Variants in SAMD11 observed in about 807,000 individuals in gnomAD.
SAMD11 encodes sterile alpha motif domain containing 11.
A neutral mutation model predicts 64.4 loss-of-function variants in SAMD11; 77 were observed. The ratio of observed to expected loss-of-function variants is 1.20; its 90% CI spans 0.99 to 1.44. SAMD11 has a LOEUF of 1.44. Ranked by LOEUF, SAMD11 falls within the 40% of genes most tolerant of loss-of-function variation. The pLI is 0.00. For missense variants in SAMD11, 1,402 were observed against 943.3 expected, an observed-to-expected ratio of 1.49 and a Z score of -6.37; for synonymous variants, 658 against 421.9, an observed-to-expected ratio of 1.56 and a Z score of -6.86.
At chr1:926,228 C>T (rs997173463) in intron 2 of SAMD11, among the ~76,000 whole-genome samples, 1 of 152,240 alleles carries the variant, frequency 6.6e-6, no homozygotes, top group Non-Finnish European at 1.5e-5. Context: ...CGAGCGCCCT[C>T]CCCGGTGGAG....
At chr1:932,183 G>A (rs572028173) in intron 4 of SAMD11, among the ~76,000 whole-genome samples, 2 of 152,222 alleles carry the variant, frequency 1.3e-5, no homozygotes, top group Non-Finnish European at 2.9e-5. Context: ...GAACACTGAT[G>A]ACATTTTATG....
In SAMD11 at chr1:944,025, TC is replaced by T. The variant is rs1557612652; in HGVS notation, c.2412del (p.Thr805ArgfsTer80). On this transcript the variant is annotated frameshift_variant, in exon 14 of 14. Transcript: ENST00000616016. LOFTEE classifies it low-confidence loss of function (END_TRUNC). ...RELGTGEQPL[S>X]PTTATSPYGG... ...ACTCGGCACAGGAGAGCAGCCCTTG[TC>T]CCCCACGACGGCCACGTCCCCCTAT... is the stretch of plus-strand genomic sequence containing the variant. 2 of 1,612,768 alleles carry T rather than the reference TC, an allele frequency of 1.2e-6. No homozygotes were observed. Among genetic ancestry groups the T allele is most frequent in the Admixed American group, 1.7e-5 (1 of 60,022 alleles).
chr1:939,671 G>A (rs577063649), intron 7 of SAMD11, among the ~76,000 whole-genome samples: 1 of 152,294 alleles, frequency 6.6e-6, no homozygotes, highest in South Asian at 2.1e-4. Flanking sequence ...TATATAGAGA[G>A]AAATGGAGTC....
chr1:942,349 C>G, intron 9 of SAMD11, 61 bp from the exon 10 acceptor site: 1 of 1,187,848 alleles, frequency 8.4e-7, no homozygotes, highest in Non-Finnish European at 1.1e-6. Context: ...TAGGGGATTG[C>G]AAAGGGCCGG....
chr1:939,076 G>T lies in SAMD11; in HGVS notation c.1004G>T (p.Arg335Leu), dbSNP rs149677938. Residue 335 changes from arginine (R) to leucine (L), a missense_variant, in exon 6 of 14, where the codon CGT becomes CTT. Arg to Leu is a moderately radical substitution (Grantham distance 102, BLOSUM62 -2). Transcript: ENST00000616016. ...LLGKRLGRSP[R>L]ISSDCFSEKR... ...GGCAAGAGGCTGGGCCGCTCCCCCC[G>T]TATCAGCAGCGACTGCTTTTCAGAG... 15 of 1,605,944 alleles carry T rather than the reference G, an allele frequency of 9.3e-6. No homozygotes were observed. The highest frequency in any genetic ancestry group is 1.3e-5 in the Non-Finnish European group (15 of 1,176,692).
chr1:929,437 T>C (rs1569868201), intron 2 of SAMD11, among the ~76,000 whole-genome samples: 1 of 152,194 alleles, frequency 6.6e-6, no homozygotes, highest in African/African-American at 2.4e-5. Flanking sequence ...GCCTGCAGTC[T>C]GCGAGGGTTC....
intron 5 of SAMD11, among the ~76,000 whole-genome samples, chr1:938,656 C>T (rs1471865627): frequency 6.6e-6 from 1 of 152,182 alleles, no homozygotes; most frequent in African/African-American, 2.4e-5. Flanking sequence ...CACAGCCCGC[C>T]CTCACTCCTG....
rs765877680 is a variant in SAMD11 at position 942,213 on chromosome 1, C to A, written c.1436C>A (p.Pro479His). 1 of 1,361,890 alleles carries A rather than the reference C, an allele frequency of 7.3e-7. No individual in the cohort carries two copies. Among genetic ancestry groups the A allele is most frequent in the East Asian group, 2.8e-5 (1 of 35,426 alleles). The allele number at this position is 1,361,890 out of a possible 1,614,324, so 84.4% of individuals were successfully genotyped here. ...HVALGPHLRP[P>H]FLGVPSALCQ... The stretch of plus-strand genomic sequence containing the variant: ...GCCCTGGGCCCCCATCTCAGGCCCC[C>A]CTTCCTGGGGGTGCCCTCGGCTCTG... Residue 479 changes from proline to histidine, a missense_variant, in exon 9 of 14, where the codon CCC becomes CAC. By Grantham distance (77) the Pro-to-His change is moderately conservative. Transcript: ENST00000616016.
intron 4 of SAMD11, 42 bp downstream of exon 4, chr1:931,131 CCCCTCCCT>C: frequency 7.4e-7 from 1 of 1,358,074 alleles, no homozygotes; most frequent in Non-Finnish European, 1.0e-6. Context: ...GGCCGTGACT[CCCCTCCCT>C]CCCTCCCACC....
chr1:943,724 G>A lies in SAMD11; in HGVS notation c.2205G>A (p.Gly735=), dbSNP rs749587093. 7 of 1,598,416 alleles carry A rather than the reference G, an allele frequency of 4.4e-6. No homozygotes were observed. Among genetic ancestry groups the A allele is most frequent in the Non-Finnish European group, 4.3e-6 (5 of 1,171,040 alleles). ...TCTTCAGGGAGCAGGGGATCGACGGGGAGACCCTGCCACTGCTGACGGAGG... is the reference window on the plus strand; with the variant it reads ...TCTTCAGGGAGCAGGGGATCGACGGAGAGACCCTGCCACTGCTGACGGAGG... The part of the protein sequence containing the change: ...TRVFREQGID[G]ETLPLLTEEH... Residue 735 remains glycine, a synonymous_variant, in exon 13 of 14, where the codon GGG becomes GGA. Transcript: ENST00000616016.
rs552457744 is a variant in SAMD11 at position 942,870 on chromosome 1, A to G, written c.1865A>G (p.Asp622Gly). The G allele has an allele frequency of 6.6e-5, 102 of 1,553,920 alleles. No homozygotes were observed. In the Admixed American group the frequency reaches 2.0e-3, roughly 30 times the overall value. The part of the protein sequence containing the change: ...EMTGARLWAQ[D>G]GSEDEPPKDS... Reference sequence around the variant, plus strand: ...ACGGGGGCTAGGCTCTGGGCACAAGATGGCTCGGAAGACGAGCCCCCCAAA... The same window carrying G: ...ACGGGGGCTAGGCTCTGGGCACAAGGTGGCTCGGAAGACGAGCCCCCCAAA... The change falls in exon 11 of 14, where the codon GAT becomes GGT. Residue 622 changes from aspartate (D) to glycine (G), a missense_variant. Coordinates refer to ENST00000616016, the MANE Select transcript of SAMD11 (RefSeq NM_001385641.1).
chr1:941,088 C>G, intron 7 of SAMD11, 56 bp from the exon 8 acceptor site: 1 of 1,479,186 alleles, frequency 6.8e-7, no homozygotes, highest in Non-Finnish European at 9.2e-7. Flanking sequence ...AGGACGCGGG[C>G]TGGGGAGGAT....
chr1:936,395 C>G (rs567672182), intron 5 of SAMD11, among the ~76,000 whole-genome samples: 1 of 150,090 alleles, frequency 6.7e-6, no homozygotes, highest in African/African-American at 2.5e-5. Flanking sequence ...GTCCCCGGTC[C>G]CGCCTCCTAG....
chr1:943,292 C>G lies in SAMD11; in HGVS notation c.2093C>G (p.Pro698Arg). 1 of 1,612,752 alleles carries G rather than the reference C, an allele frequency of 6.2e-7. No individual in the cohort carries two copies. Among genetic ancestry groups the G allele is most frequent in the Non-Finnish European group, 8.5e-7 (1 of 1,179,806 alleles). The change falls in exon 12 of 14, where the codon CCA becomes CGA. Residue 698 changes from proline to arginine, a missense_variant. Physicochemically the swap from Pro to Arg is moderately radical, Grantham distance 103. Transcript: ENST00000616016. ...GGLSMDGEEA[P>R]APEDVTKWTV... ...CTCTCCATGGATGGGGAGGAGGCCCCAGCCCCTGAGGACGTCACCAAGTGG... is the reference window on the plus strand; with the variant it reads ...CTCTCCATGGATGGGGAGGAGGCCCGAGCCCCTGAGGACGTCACCAAGTGG...
chr1:935,395 C>T (rs1350373807), intron 4 of SAMD11, among the ~76,000 whole-genome samples: 1 of 152,156 alleles, frequency 6.6e-6, no homozygotes, highest in African/African-American at 2.4e-5. Flanking sequence ...TCCTGCAGGA[C>T]TGCCCCTGAG....
intron 2 of SAMD11, 48 bp from the exon 3 acceptor site, chr1:930,107 C>T: frequency 6.5e-7 from 1 of 1,526,800 alleles, no homozygotes; most frequent in African/African-American, 1.4e-5. Context: ...CCTCCTGCCC[C>T]ACCTTCCTCT....
At position 944,350 on chromosome 1, in the gene SAMD11, C is replaced by T. The variant is rs758798279; in HGVS notation, c.*197C>T. 9.5e-6 allele frequency: 13 copies of T among 1,366,834 alleles called. No homozygotes were observed. Among genetic ancestry groups the T allele is most frequent in the Admixed American group, 3.5e-5 (1 of 28,198 alleles). 84.7% of individuals were successfully genotyped at this position (1,366,834 alleles called of 1,614,324 possible). On this transcript the variant is annotated 3_prime_UTR_variant, in exon 14 of 14. Coordinates refer to ENST00000616016, the MANE Select transcript of SAMD11 (RefSeq NM_001385641.1). ...GAAGGCAGAGCCTGGTGCAGATGGACGAGGTCTGCAGACGGAGGGCAGAGG... is the reference window on the plus strand; with the variant it reads ...GAAGGCAGAGCCTGGTGCAGATGGATGAGGTCTGCAGACGGAGGGCAGAGG...
rs1043121068 is a variant in SAMD11, at chr1:924,282, AGGC to A, written c.-143_-141del. On this transcript the variant is annotated 5_prime_UTR_variant, in exon 1 of 14. Transcript: ENST00000616016. ...CGGGGAGGCCTGGCGGGCGGCGCGTAGGCGGCGGCTGCGGGCGCCGGGGCGCAC... is the reference window on the plus strand; with the variant it reads ...CGGGGAGGCCTGGCGGGCGGCGCGTAGGCGGCTGCGGGCGCCGGGGCGCAC... 4 of 149,182 alleles carry A rather than the reference AGGC, an allele frequency of 2.7e-5. No individual in the cohort carries two copies. Among genetic ancestry groups the A allele is most frequent in the African/African-American group, 9.8e-5 (4 of 40,868 alleles). The allele number at this position is 149,182 out of a possible 1,614,324, so 9.2% of individuals were successfully genotyped here.
At chr1:940,988 G>GAAAAAA (rs1641729659) in intron 7 of SAMD11, 156 bp from the exon 8 acceptor site, 2 of 568,816 alleles carry the variant, frequency 3.5e-6, no homozygotes, top group Admixed American at 3.7e-5. Context: ...CCCTGTGGCC[G>GAAAAAA]CCCATCCTCC....
Sources: gnomAD v4.1 joint callset for allele counts (sites outside exome capture counted in the v4.1 genomes callset) on GRCh38, gnomAD v4.1.1 for gene constraint, MANE v1.5 for transcripts, NCBI Gene and HGNC (gene_info 2026-07-23, HGNC 2026-07-21) for gene names.